NAV2: variants seen among roughly 807,000 people sequenced by gnomAD.
NAV2 encodes helicase, APC down-regulated 1.
In NAV2, 54 loss-of-function variants were observed where a neutral mutation model predicts 223.2. That is an observed-to-expected ratio of 0.24 (90% CI 0.19 to 0.30). NAV2 has a LOEUF of 0.30. Ranked by LOEUF, NAV2 falls within the 10% of genes least tolerant of loss-of-function variation. NAV2 has a pLI of 1.00. For synonymous variants in NAV2, 1,279 were observed against 1,239.3 expected, an observed-to-expected ratio of 1.03 and a Z score of -0.67; for missense variants, 2,806 against 3,147.5, an observed-to-expected ratio of 0.89 and a Z score of 2.60.
chr11:20,032,265 A>G (rs902748342), intron 11 of NAV2, among the ~76,000 whole-genome samples: 1 of 152,146 alleles, frequency 6.6e-6, no homozygotes, highest in Non-Finnish European at 1.5e-5. Flanking sequence ...CCACCCATGG[A>G]TTAGATCCCT....
At chr11:19,985,976 C>A (rs2050762951) in intron 11 of NAV2, among the ~76,000 whole-genome samples, 1 of 152,140 alleles carries the variant, frequency 6.6e-6, no homozygotes, top group Non-Finnish European at 1.5e-5. Context: ...AACACCCCCA[C>A]TGGAGATTTG....
intron 10 of NAV2, among the ~76,000 whole-genome samples, chr11:19,975,288 C>A (rs1824424848): frequency 2.0e-5 from 3 of 152,226 alleles, no homozygotes; most frequent in African/African-American, 4.8e-5. Context: ...GCGTCCATTT[C>A]AAACAAGCGT....
chr11:20,088,222 G>A (rs1202513835), intron 26 of NAV2, among the ~76,000 whole-genome samples: 1 of 152,170 alleles, frequency 6.6e-6, no homozygotes, highest in Non-Finnish European at 1.5e-5. Context: ...TTGCCTCCCA[G>A]GCTGTAGTGC....
intron 2 of NAV2, among the ~76,000 whole-genome samples, chr11:19,838,849 C>G (rs899640460): frequency 2.6e-5 from 4 of 152,178 alleles, no homozygotes; most frequent in African/African-American, 9.6e-5. Context: ...GTCTGGAACT[C>G]CTGGCCTCAA....
At chr11:19,829,316 G>T (rs192730544) in intron 1 of NAV2, among the ~76,000 whole-genome samples, 1 of 152,224 alleles carries the variant, frequency 6.6e-6, no homozygotes, top group East Asian at 1.9e-4. Flanking sequence ...CAGCCTGGCC[G>T]GTTTCTGACT....
At chr11:19,590,443 C>A (rs994790083) in intron 1 of NAV2, among the ~76,000 whole-genome samples, 1 of 152,178 alleles carries the variant, frequency 6.6e-6, no homozygotes, top group South Asian at 2.1e-4. Flanking sequence ...CAGCTCCCCG[C>A]ACCCCAGGCA....
intron 37 of NAV2, among the ~76,000 whole-genome samples, chr11:20,116,644 A>T (rs898514535): frequency 2.0e-5 from 3 of 152,206 alleles, no homozygotes; most frequent in Non-Finnish European, 4.4e-5. Context: ...GGTTGGACAC[A>T]GAAGGTGTGT....
At chr11:19,584,639 C>T (rs2045833827) in intron 1 of NAV2, among the ~76,000 whole-genome samples, 1 of 152,150 alleles carries the variant, frequency 6.6e-6, no homozygotes, top group African/African-American at 2.4e-5. Context: ...GTTATGTACC[C>T]AGTAGTCGTT....
chr11:20,108,617 T>G (rs984484726), intron 36 of NAV2, among the ~76,000 whole-genome samples: 4 of 151,222 alleles, frequency 2.6e-5, no homozygotes, highest in African/African-American at 9.8e-5. Flanking sequence ...TTTTTTTTTT[T>G]TTTTTTTGGA....
chr11:19,405,568 G>A (rs115811284), intron 1 of NAV2, among the ~76,000 whole-genome samples: 7 of 152,274 alleles, frequency 4.6e-5, no homozygotes, highest in South Asian at 2.1e-4. Context: ...AAAACCATCC[G>A]TCTCCCTTGC....
rs568392497 is a variant in NAV2, at chr11:19,984,016, C to T, written c.2646-109C>T. ...CAGAGCCTCAGGGAATCCTCCGTTT[C>T]TTCCCCCTTAGAGCACTTGGCGGCT... is the stretch of plus-strand genomic sequence containing the variant. On this transcript the variant is annotated intron_variant, in intron 10 of 37. Transcript: ENST00000349880. 483 of 1,425,644 alleles carry T rather than the reference C, an allele frequency of 3.4e-4. 1 individual carries two copies. The African/African-American group carries it at 6.2e-3, about 18-fold the overall frequency. 88.3% of individuals were successfully genotyped at this position (1,425,644 alleles called of 1,614,324 possible).
chr11:20,075,634 A>G (rs1453455549), intron 22 of NAV2, among the ~76,000 whole-genome samples: 1 of 152,124 alleles, frequency 6.6e-6, no homozygotes. Flanking sequence ...GCTCCCTGCC[A>G]GCGGTTGATT....
chr11:19,753,912 A>G (rs987187813), intron 1 of NAV2, among the ~76,000 whole-genome samples: 1 of 152,098 alleles, frequency 6.6e-6, no homozygotes, highest in Admixed American at 6.5e-5. Context: ...GCTCAGAGGG[A>G]GGGTGGGGAG....
chr11:19,395,915 G>A (rs1446569521), intron 1 of NAV2, among the ~76,000 whole-genome samples: 2 of 152,212 alleles, frequency 1.3e-5, no homozygotes, highest in Non-Finnish European at 2.9e-5. Flanking sequence ...TCCTGTAGCA[G>A]AACTGAGTCT....
At chr11:19,709,487 T>C (rs2049792996), upstream of NAV2, among the ~76,000 whole-genome samples, 1 of 132,930 alleles carries the variant, frequency 7.5e-6, no homozygotes, top group Non-Finnish European at 1.5e-5. Context: ...GCTTCCTGGG[T>C]AGTGAGCCAA....
In NAV2 at chr11:19,423,037, T is replaced by C. The variant is rs149175135; in HGVS notation, c.75+72010T>C. ...TTTTCCTATCTGTGATTTCAACTGT[T>C]TCACAAGGTTATAATATTTAAATTA... On this transcript the variant is annotated intron_variant, in intron 1 of 37. Transcript: ENST00000360655. Among the ~76,000 whole-genome samples the C allele has an allele frequency of 4.7e-3, 720 of 152,358 alleles. 3 individuals carry two copies. Among genetic ancestry groups the C allele is most frequent in the Non-Finnish European group, 7.7e-3 (527 of 68,030 alleles).
chr11:19,967,401 G>GT (rs10551582), intron 10 of NAV2, among the ~76,000 whole-genome samples: 14 of 151,442 alleles, frequency 9.2e-5, no homozygotes, highest in African/African-American at 3.4e-4. Context: ...TAAGGCAGAG[G>GT]TTTTTTTTTA....
chr11:19,717,366 G>A (rs2050388699), intron 1 of NAV2, among the ~76,000 whole-genome samples: 1 of 152,238 alleles, frequency 6.6e-6, no homozygotes, highest in Admixed American at 6.5e-5. Context: ...GCATGCTTGG[G>A]GCTGGGTATC....
chr11:19,779,075 GC>G (rs2152665280), intron 1 of NAV2, among the ~76,000 whole-genome samples: 1 of 152,304 alleles, frequency 6.6e-6, no homozygotes, highest in South Asian at 2.1e-4. Context: ...CGATATTGCT[GC>G]CCGTTTAGTC....
Sources: gnomAD v4.1 joint callset for allele counts (sites outside exome capture counted in the v4.1 genomes callset) on GRCh38, gnomAD v4.1.1 for gene constraint, MANE v1.5 for transcripts, NCBI Gene and HGNC (gene_info 2026-07-23, HGNC 2026-07-21) for gene names.